Variants in FAM13A observed in about 807,000 individuals in gnomAD.
The protein encoded by FAM13A is protein FAM13A.
A neutral mutation model predicts 129.6 loss-of-function variants in FAM13A; 76 were observed. The ratio of observed to expected loss-of-function variants is 0.59; its 90% CI spans 0.49 to 0.71. FAM13A has a LOEUF of 0.71. Ranked by LOEUF, FAM13A falls within the 30% of genes least tolerant of loss-of-function variation. The probability of loss-of-function intolerance (pLI) is 0.00; values close to 1 mark genes in which losing one functional copy is unlikely to be tolerated. For synonymous variants in FAM13A, 443 were observed against 449.9 expected, an observed-to-expected ratio of 0.98 and a Z score of 0.20; for missense variants, 1,108 against 1,249.3, an observed-to-expected ratio of 0.89 and a Z score of 1.70.
intron 1 of FAM13A, among the ~76,000 whole-genome samples, chr4:89,043,913 ACAAT>A (rs543162448): frequency 1.4e-4 from 22 of 151,954 alleles, no homozygotes; most frequent in African/African-American, 3.9e-4. Context: ...TCTACAAAAT[ACAAT>A]CAATCAATCA....
chr4:88,791,537 A>T (rs1725152694), intron 8 of FAM13A, among the ~76,000 whole-genome samples: 1 of 152,088 alleles, frequency 6.6e-6, no homozygotes, highest in Non-Finnish European at 1.5e-5. Context: ...AAAAGTGCCT[A>T]TCCTTTAAAA....
At chr4:88,747,062 T>TCAC in intron 18 of FAM13A, 47 bp from the exon 19 acceptor site, 1 of 1,264,600 alleles carries the variant, frequency 7.9e-7, no homozygotes, top group Non-Finnish European at 1.2e-6. Flanking sequence ...AAAATGTGTG[T>TCAC]GAACATTCCA....
rs1160711950 is a variant in FAM13A at position 88,991,105 on chromosome 4, T to C, written c.473A>G (p.Lys158Arg). ...GCAGTAGTGGGTGTCTGGCAGCTCT[T>C]TTATTAAGTCTCTTAAGCTACTCTC... ...VQESSLRDLI[K>R]ELPDTHYCLL... is the part of the protein sequence containing the mutation. Residue 158 changes from lysine (K) to arginine (R), a missense_variant, in exon 4 of 24, where the codon AAA becomes AGA. Transcript: ENST00000264344. 14 of 1,613,802 alleles carry C rather than the reference T, an allele frequency of 8.7e-6. No homozygotes were observed. The highest frequency in any genetic ancestry group is 1.2e-5 in the Non-Finnish European group (14 of 1,179,876).
At chr4:88,746,839 T>C (rs1741448735) in intron 19 of FAM13A, 93 bp downstream of exon 19, 6 of 824,664 alleles carry the variant, frequency 7.3e-6, no homozygotes, top group Admixed American at 2.0e-5. Context: ...AAGCAAACAT[T>C]AGGGAACCCC....
At chr4:88,767,698 G>T in intron 12 of FAM13A, 103 bp from the exon 13 acceptor site, 1 of 910,080 alleles carries the variant, frequency 1.1e-6, no homozygotes, top group Non-Finnish European at 1.6e-6. Flanking sequence ...ATGTTGAGTA[G>T]CTCTAAGCCA....
chr4:88,889,162 G>A (rs563118880), intron 6 of FAM13A, among the ~76,000 whole-genome samples: 95 of 152,272 alleles, frequency 6.2e-4, no homozygotes, highest in Admixed American at 1.4e-3. Flanking sequence ...CTTTCTGTGC[G>A]TGTGTGTGTT....
At chr4:88,859,638 G>A (rs1335277046) in intron 6 of FAM13A, among the ~76,000 whole-genome samples, 3 of 152,208 alleles carry the variant, frequency 2.0e-5, no homozygotes, top group Non-Finnish European at 4.4e-5. Flanking sequence ...TTGAGGGGAA[G>A]GAGCAGGACT....
At chr4:88,955,827 G>T (rs1757666233) in intron 4 of FAM13A, among the ~76,000 whole-genome samples, 1 of 152,108 alleles carries the variant, frequency 6.6e-6, no homozygotes, top group South Asian at 2.1e-4. Context: ...TTTGGAATTG[G>T]AACTTATGTT....
chr4:88,770,913 T>G lies in FAM13A; in HGVS notation c.1459-2854A>C, dbSNP rs1020679088. ...TTAAGAACTCTCCAATGATTTGAGG[T>G]TTTGTAGACGTAGTTCACAAAGGCT... On this transcript the variant is annotated intron_variant, in intron 11 of 23. Transcript: ENST00000264344. Among the ~76,000 whole-genome samples the G allele has an allele frequency of 2.7e-4, 41 of 152,318 alleles. 1 individual carries two copies. Among genetic ancestry groups the G allele is most frequent in the African/African-American group, 9.4e-4 (39 of 41,590 alleles).
chr4:88,938,300 C>T (rs557993129), intron 4 of FAM13A, 59 bp from the exon 5 acceptor site: 2 of 1,309,462 alleles, frequency 1.5e-6, no homozygotes, highest in African/African-American at 1.5e-5. Flanking sequence ...TGCCTGCTAG[C>T]TGACTCAGAC....
chr4:88,767,927 G>T (rs1179144486), intron 12 of FAM13A, 56 bp downstream of exon 12: 6 of 1,073,910 alleles, frequency 5.6e-6, no homozygotes, highest in Non-Finnish European at 8.7e-6. Flanking sequence ...TGCATTACAT[G>T]AAAATAACCT....
At chr4:88,909,743 C>G (rs1227583058) in intron 5 of FAM13A, among the ~76,000 whole-genome samples, 2 of 152,052 alleles carry the variant, frequency 1.3e-5, no homozygotes, top group African/African-American at 4.8e-5. Context: ...CCCTGGCCTC[C>G]CAAAGTGCTG....
At chr4:89,046,500 A>T (rs534056239) in intron 1 of FAM13A, among the ~76,000 whole-genome samples, 1 of 152,328 alleles carries the variant, frequency 6.6e-6, no homozygotes, top group East Asian at 1.9e-4. Flanking sequence ...AAGACGGGCA[A>T]AAATCATAAT....
intron 1 of FAM13A, among the ~76,000 whole-genome samples, chr4:89,043,820 C>G (rs940355010): frequency 4.6e-5 from 7 of 152,156 alleles, no homozygotes; most frequent in African/African-American, 1.7e-4. Context: ...GCCTGTAATC[C>G]CAACACTTTG....
At chr4:88,750,725 G>T in intron 14 of FAM13A, 88 bp from the exon 15 acceptor site, 1 of 947,144 alleles carries the variant, frequency 1.1e-6, no homozygotes, top group Non-Finnish European at 1.6e-6. Context: ...AGGCTTCCCA[G>T]ATGCTTTAGG....
intron 6 of FAM13A, among the ~76,000 whole-genome samples, chr4:88,896,850 TA>T (rs1320761059): frequency 6.6e-6 from 1 of 152,236 alleles, no homozygotes; most frequent in Non-Finnish European, 1.5e-5. Flanking sequence ...TATCCCCTGA[TA>T]AAAGTCAAAA....
chr4:88,997,395 T>G (rs7660314), intron 3 of FAM13A, among the ~76,000 whole-genome samples: 121,920 of 152,074 alleles, frequency 0.8, 49,177 homozygotes, highest in Middle Eastern at 0.89. Flanking sequence ...GTTGTTGGCT[T>G]CATTTGACCC....
At chr4:88,924,991 A>C (rs1751847968) in intron 5 of FAM13A, among the ~76,000 whole-genome samples, 1 of 151,114 alleles carries the variant, frequency 6.6e-6, no homozygotes, top group African/African-American at 2.4e-5. Context: ...AATGCAAATC[A>C]AAACCACAAT....
intron 13 of FAM13A, among the ~76,000 whole-genome samples, chr4:88,759,703 T>G (rs1299701790): frequency 6.6e-6 from 1 of 152,198 alleles, no homozygotes; most frequent in Non-Finnish European, 1.5e-5. Flanking sequence ...ACTATTCATC[T>G]ACTCTGAATA....
Sources: allele counts gnomAD v4.1 joint callset (sites outside exome capture counted in the v4.1 genomes callset), GRCh38; gene constraint gnomAD v4.1.1; transcripts MANE v1.5; gene names NCBI Gene and HGNC (gene_info 2026-07-23, HGNC 2026-07-21).